CSN1S1: variants seen among roughly 807,000 people sequenced by gnomAD.
The protein encoded by CSN1S1 is casein alpha s1, also known as alpha-S1-casein.
Under a neutral mutation model 49.1 loss-of-function variants are expected in CSN1S1, and 63 were observed. That is an observed-to-expected ratio of 1.28 (90% CI 1.05 to 1.58). The LOEUF (loss-of-function observed/expected upper bound fraction) is 1.58. Among genes scored for constraint, CSN1S1 ranks in the 40% most tolerant of loss-of-function variants. CSN1S1 has a pLI of 0.00. For missense variants in CSN1S1, 260 were observed against 224.7 expected, an observed-to-expected ratio of 1.16 and a Z score of -1.01; for synonymous variants, 78 against 67.1, an observed-to-expected ratio of 1.16 and a Z score of -0.79.
At chr4:69,939,000 T>G (rs1395859889) in intron 9 of CSN1S1, among the ~76,000 whole-genome samples, 176 bp from the exon 10 acceptor site, 5 of 151,792 alleles carry the variant, frequency 3.3e-5, no homozygotes, top group Non-Finnish European at 3.0e-5. Context: ...ACCATAATTT[T>G]TCAAGTAAAA....
chr4:69,944,859 C>G lies in CSN1S1; in HGVS notation c.412C>G (p.Gln138Glu). ...ENSHVQVPFQ[Q>E]LNQLAAYPYA... The stretch of plus-strand genomic sequence containing the variant: ...ATGTTTTTCCCTCTAGCCTTTCCAG[C>G]AGCTCAACCAACTTGCTGCCTACCC... Residue 138 changes from glutamine to glutamate, a missense_variant, in exon 15 of 16, where the codon CAG becomes GAG. By Grantham distance (29) the Gln-to-Glu change is conservative. Transcript: ENST00000246891. The G allele has an allele frequency of 6.2e-7, 1 of 1,612,592 alleles. No individual in the cohort carries two copies. The highest frequency in any genetic ancestry group is 1.7e-5 in the Admixed American group (1 of 59,918).
rs1280636396 is a variant in CSN1S1 at position 69,936,455 on chromosome 4, G to A, written c.130-1G>A. 5 of 1,549,646 alleles carry A rather than the reference G, an allele frequency of 3.2e-6. No homozygotes were observed. Among genetic ancestry groups the A allele is most frequent in the Non-Finnish European group, 4.4e-6 (5 of 1,124,956 alleles). ...TTTATGTTTTCTTTTTTATCCCTAA[G>A]GAATACATGAATGGTATGAACAGGG... On this transcript the variant is annotated splice_acceptor_variant, in intron 5 of 15. Coordinates refer to ENST00000246891, the MANE Select transcript of CSN1S1 (RefSeq NM_001890.2). LOFTEE classifies it high-confidence loss of function.
rs764460893 is a variant in CSN1S1, at chr4:69,939,203, A to C, written c.271A>C (p.Ser91Arg). 5 of 1,596,902 alleles carry C rather than the reference A, an allele frequency of 3.1e-6. No homozygotes were observed. The African/African-American group carries it at 6.7e-5, about 21-fold the overall frequency. The change falls in exon 10 of 16, where the codon AGT (serine) becomes CGT (arginine). Residue 91 changes from serine to arginine, a missense_variant. Transcript: ENST00000246891. Reference protein sequence around the residue: ...EKMESSISSSSEEMSLSKCAE... With the variant: ...EKMESSISSSREEMSLSKCAE... ...GATGGAATCCAGCATCAGTTCATCG[A>C]GTGAGGTAAATAATTTTGATATTAA...
intron 12 of CSN1S1, among the ~76,000 whole-genome samples, chr4:69,941,293 C>A (rs1480956659): frequency 6.6e-6 from 1 of 151,740 alleles, no homozygotes; most frequent in Admixed American, 6.6e-5. Context: ...TACTTACTAA[C>A]CAGGGAGAAA....
intron 8 of CSN1S1, 47 bp from the exon 9 acceptor site, chr4:69,937,753 G>T: frequency 6.9e-7 from 1 of 1,442,508 alleles, no homozygotes; most frequent in Non-Finnish European, 9.6e-7. Context: ...TTTTGTATTT[G>T]ACTATTTGTC....
intron 1 of CSN1S1, among the ~76,000 whole-genome samples, chr4:69,931,926 A>G (rs559367981): frequency 6.6e-6 from 1 of 152,060 alleles, no homozygotes; most frequent in South Asian, 2.1e-4. Context: ...TCATCTTTAT[A>G]TATTTATGTC....
At chr4:69,934,504 A>G (rs879680483) in intron 3 of CSN1S1, among the ~76,000 whole-genome samples, 186 bp from the exon 4 acceptor site, 51 of 152,116 alleles carry the variant, frequency 3.4e-4, no homozygotes, top group Admixed American at 2.8e-3. Context: ...TAACATGTTT[A>G]TTTTAATGTA....
chr4:69,938,064 C>T (rs544221505), intron 9 of CSN1S1, among the ~76,000 whole-genome samples: 5 of 151,554 alleles, frequency 3.3e-5, no homozygotes, highest in African/African-American at 4.8e-5. Flanking sequence ...AATTGGAAGA[C>T]GGAATTTAAG....
chr4:69,934,286 T>C (rs373636734), intron 3 of CSN1S1, 42 bp downstream of exon 3: 12 of 1,587,826 alleles, frequency 7.6e-6, no homozygotes, highest in Non-Finnish European at 1.0e-5. Context: ...ACTCTAATTG[T>C]GAAGCACAAA....
intron 4 of CSN1S1, 144 bp from the exon 5 acceptor site, chr4:69,935,782 A>G: frequency 1.5e-6 from 1 of 648,826 alleles, no homozygotes; most frequent in East Asian, 2.8e-5. Flanking sequence ...AACTATAAAT[A>G]ATACATATGT....
At chr4:69,942,882 TAAC>T (rs1723019661) in intron 14 of CSN1S1, among the ~76,000 whole-genome samples, 1 of 151,598 alleles carries the variant, frequency 6.6e-6, no homozygotes, top group South Asian at 2.1e-4. Context: ...TTAAAGATAA[TAAC>T]TGTATGTTTA....
At chr4:69,939,988 A>T (rs746816716) in intron 10 of CSN1S1, 33 bp from the exon 11 acceptor site, 12 of 1,281,614 alleles carry the variant, frequency 9.4e-6, no homozygotes, top group African/African-American at 1.5e-5. Flanking sequence ...ATGTCGTGAA[A>T]TTAAAACTAT....
chr4:69,939,848 G>A (rs1294781135), intron 10 of CSN1S1, among the ~76,000 whole-genome samples, 173 bp from the exon 11 acceptor site: 2 of 151,644 alleles, frequency 1.3e-5, no homozygotes, highest in Non-Finnish European at 3.0e-5. Context: ...GAAAAGCAAT[G>A]TGATTATAAT....
intron 6 of CSN1S1, 24 bp from the exon 7 acceptor site, chr4:69,936,542 C>A (rs778986472): frequency 6.2e-7 from 1 of 1,604,060 alleles, no homozygotes; most frequent in African/African-American, 1.3e-5. Flanking sequence ...ACATATTTTA[C>A]AAGGTACACT....
intron 1 of CSN1S1, among the ~76,000 whole-genome samples, chr4:69,932,147 A>G (rs1461218437): frequency 6.6e-6 from 1 of 151,940 alleles, no homozygotes; most frequent in Non-Finnish European, 1.5e-5. Flanking sequence ...ATTTAACTTT[A>G]TTGCCCACTT....
chr4:69,945,027 A>T, intron 15 of CSN1S1, 23 bp downstream of exon 15: 1 of 1,608,796 alleles, frequency 6.2e-7, no homozygotes, highest in Non-Finnish European at 8.5e-7. Context: ...AAATTACTAC[A>T]TCTTGATGTT....
intron 1 of CSN1S1, among the ~76,000 whole-genome samples, chr4:69,931,664 A>G (rs1722611613): frequency 6.6e-6 from 1 of 151,052 alleles, no homozygotes; most frequent in African/African-American, 2.4e-5. Context: ...GGGTTCAAAA[A>G]TATGCCTTTT....
chr4:69,942,695 C>A (rs923890998), intron 14 of CSN1S1, 118 bp downstream of exon 14: 7 of 747,136 alleles, frequency 9.4e-6, no homozygotes, highest in African/African-American at 7.1e-5. Flanking sequence ...ATTTCTCACT[C>A]CCAACTTAAA....
At position 69,936,616 on chromosome 4, in the gene CSN1S1, G is replaced by A. The variant is rs762851306; in HGVS notation, c.195+9G>A. 1 of 1,599,502 alleles carries A rather than the reference G, an allele frequency of 6.3e-7. No homozygotes were observed. Among genetic ancestry groups the A allele is most frequent in the African/African-American group, 1.3e-5 (1 of 74,520 alleles). On this transcript the variant is annotated intron_variant, in intron 7 of 15. Transcript: ENST00000246891. ...AGACTGATGAAATCAAGGTACCAAA[G>A]TTTTTCTTGAAAGAGTATGGCAAAA... is the stretch of plus-strand genomic sequence containing the variant.
Sources: gnomAD v4.1 joint callset for allele counts (sites outside exome capture counted in the v4.1 genomes callset) on GRCh38, gnomAD v4.1.1 for gene constraint, MANE v1.5 for transcripts, NCBI Gene and HGNC (gene_info 2026-07-23, HGNC 2026-07-21) for gene names.